AP1S3: variants seen among roughly 807,000 people sequenced by gnomAD.
AP1S3 encodes adaptor related protein complex 1 subunit sigma 3.
AP1S3 carries 10 observed loss-of-function variants against 20.9 expected under a neutral mutation model. That is an observed-to-expected ratio of 0.48 (90% CI 0.29 to 0.81). The LOEUF is 0.81. Among genes scored for constraint, AP1S3 ranks in the 30% least tolerant of loss-of-function variants. The pLI is 0.08. For missense variants in AP1S3, 154 were observed against 183.8 expected (o/e 0.84, Z 0.94); for synonymous variants, 41 against 61.5 (o/e 0.67, Z 1.56).
chr2:223,765,103 G>A, intron 4 of AP1S3, 110 bp downstream of exon 4: 1 of 1,435,350 alleles, frequency 7.0e-7, no homozygotes, highest in South Asian at 1.5e-5. Context: ...TTTAGAAACT[G>A]TACCCAGCAC....
intron 1 of AP1S3, among the ~76,000 whole-genome samples, chr2:223,780,154 T>G (rs1364091021): frequency 6.6e-6 from 1 of 150,622 alleles, no homozygotes; most frequent in Non-Finnish European, 1.5e-5. Flanking sequence ...GCCTACAGAA[T>G]TTGAGGTCTT....
rs953990528 is a variant in AP1S3, at chr2:223,756,657, T to C, written c.*2058A>G. ...TAGTAAAAGCCTAATGATTATTTTA[T>C]ATGCTAATCTGAGTTATTTCCTTTG... On this transcript the variant is annotated 3_prime_UTR_variant, in exon 5 of 5. Transcript: ENST00000396654. The C allele has an allele frequency of 9.1e-6, 9 of 985,236 alleles. No homozygotes were observed. Among genetic ancestry groups the C allele is most frequent in the Non-Finnish European group, 1.1e-5 (9 of 829,854 alleles). The allele number at this position is 985,236 out of a possible 1,614,324, so 61.0% of individuals were successfully genotyped here. A position where few individuals can be genotyped will look rare whatever the true frequency, so the allele number is the denominator to read the frequency against.
chr2:223,807,942 T>C (rs1442461263), intron 1 of AP1S3, among the ~76,000 whole-genome samples: 1 of 140,862 alleles, frequency 7.1e-6, no homozygotes. Flanking sequence ...GGTGTGATCA[T>C]GCAGTGGTGC....
intron 1 of AP1S3, among the ~76,000 whole-genome samples, chr2:223,780,131 C>T (rs2106092782): frequency 6.6e-6 from 1 of 151,616 alleles, no homozygotes; most frequent in Admixed American, 6.6e-5. Flanking sequence ...CTCACCACCA[C>T]CCCCTGGCCC....
chr2:223,785,061 A>T lies in AP1S3; in HGVS notation c.4-7192T>A, dbSNP rs538963241. Among the ~76,000 whole-genome samples, 138 of 152,200 alleles carry T rather than the reference A, an allele frequency of 9.1e-4. 1 individual carries two copies. Among genetic ancestry groups the T allele is most frequent in the Admixed American group, 2.2e-3 (33 of 15,276 alleles). ...TATGATACAATGTTGTTTAAAAAAG[A>T]TGGCCAGGTGCGCTTAGACCTGTAA... On this transcript the variant is annotated intron_variant, in intron 1 of 4. Coordinates refer to ENST00000396654, the MANE Select transcript of AP1S3 (RefSeq NM_001039569.2).
intron 1 of AP1S3, among the ~76,000 whole-genome samples, chr2:223,811,905 C>G (rs1196219768): frequency 6.6e-6 from 1 of 152,168 alleles, no homozygotes; most frequent in Non-Finnish European, 1.5e-5. Context: ...GTCAGAAGCC[C>G]AGATTTTGCC....
chr2:223,799,835 C>A (rs1192321375), intron 1 of AP1S3, among the ~76,000 whole-genome samples: 1 of 152,106 alleles, frequency 6.6e-6, no homozygotes. Context: ...CAATTCAAAT[C>A]CAATAATATA....
At chr2:223,790,091 T>A (rs990355676) in intron 1 of AP1S3, among the ~76,000 whole-genome samples, 12 of 152,124 alleles carry the variant, frequency 7.9e-5, no homozygotes, top group Admixed American at 7.9e-4. Context: ...AGGAAGACAG[T>A]TTACATGCAA....
At chr2:223,797,212 C>G (rs1030515970) in intron 1 of AP1S3, among the ~76,000 whole-genome samples, 11 of 152,150 alleles carry the variant, frequency 7.2e-5, no homozygotes, top group African/African-American at 2.7e-4. Context: ...ATGCCTTTCA[C>G]AGGCTTGGCA....
intron 1 of AP1S3, among the ~76,000 whole-genome samples, chr2:223,805,095 A>G (rs1379926222): frequency 6.6e-6 from 1 of 152,242 alleles, no homozygotes; most frequent in Non-Finnish European, 1.5e-5. Context: ...GAAGCCTTAA[A>G]AAACTCATCA....
intron 1 of AP1S3, among the ~76,000 whole-genome samples, chr2:223,835,557 A>T (rs1005723489): frequency 2.0e-5 from 3 of 152,212 alleles, no homozygotes; most frequent in Admixed American, 6.5e-5. Flanking sequence ...TAGGAGGCTG[A>T]GGCAGGAGAA....
At chr2:223,831,268 C>A (rs1174884911) in intron 1 of AP1S3, among the ~76,000 whole-genome samples, 1 of 152,160 alleles carries the variant, frequency 6.6e-6, no homozygotes, top group Admixed American at 6.5e-5. Flanking sequence ...ATAGCTGGGA[C>A]TACATGGGTG....
rs12694620 is a variant in AP1S3, at chr2:223,755,573, C to T, written c.*3142G>A. Among the ~76,000 whole-genome samples the T allele has an allele frequency of 0.42, 61,843 of 148,020 alleles. 14,159 individuals carry two copies. Among genetic ancestry groups the T allele is most frequent in the South Asian group, 0.61 (2,814 of 4,628 alleles). On this transcript the variant is annotated 3_prime_UTR_variant, in exon 5 of 5. Transcript: ENST00000396654. ...TGAGACAGGGTCTCACTCTGTCACC[C>T]GGGCTGGAGTACAGTGGCGTGATCT...
At chr2:223,778,660 A>C (rs1690849484) in intron 1 of AP1S3, among the ~76,000 whole-genome samples, 1 of 152,012 alleles carries the variant, frequency 6.6e-6, no homozygotes, top group Non-Finnish European at 1.5e-5. Flanking sequence ...GGCTGAAGCA[A>C]GGGGAACGAG....
At position 223,758,140 on chromosome 2, in the gene AP1S3, T is replaced by C. The variant is rs1187152368; in HGVS notation, c.*575A>G. The C allele has an allele frequency of 3.6e-5, 34 of 955,452 alleles. No homozygotes were observed. The highest frequency in any genetic ancestry group is 4.1e-5 in the Non-Finnish European group (33 of 810,908). The allele number at this position is 955,452 out of a possible 1,614,324, so 59.2% of individuals were successfully genotyped here. A position where few individuals can be genotyped will look rare whatever the true frequency, so the allele number is the denominator to read the frequency against. The stretch of plus-strand genomic sequence containing the variant: ...TCTTTGGTTATTTTCATAATCCCAA[T>C]TCTAAAAAAAATAAATGAATTCAGC... On this transcript the variant is annotated 3_prime_UTR_variant, in exon 5 of 5. Transcript: ENST00000396654.
In AP1S3 at chr2:223,775,325, T is replaced by G. The variant is rs183058084; in HGVS notation, c.291+576A>C. On this transcript the variant is annotated intron_variant, in intron 3 of 4. Transcript: ENST00000396654. ...TGTGAAGGAAAAGGATTTGGGTTTT[T>G]TGTTTGTTGCTATTTTTCTTATGCA... Among the ~76,000 whole-genome samples the G allele has an allele frequency of 5.9e-5, 9 of 152,314 alleles. No individual in the cohort carries two copies. The East Asian group carries it at 1.7e-3, about 29-fold the overall frequency.
chr2:223,819,510 T>C (rs745776122), intron 1 of AP1S3, among the ~76,000 whole-genome samples: 2 of 151,828 alleles, frequency 1.3e-5, no homozygotes, highest in Non-Finnish European at 2.9e-5. Context: ...ATAAAGTCCA[T>C]AAATAACTGG....
chr2:223,758,647 G>C lies in AP1S3; in HGVS notation c.*68C>G. The C allele has an allele frequency of 6.7e-7, 1 of 1,481,502 alleles. No homozygotes were observed. The highest frequency in any genetic ancestry group is 9.0e-7 in the Non-Finnish European group (1 of 1,114,058). The allele number at this position is 1,481,502 out of a possible 1,614,324, so 91.8% of individuals were successfully genotyped here. Reference sequence around the variant, plus strand: ...GTGCCTGAGGCTCCATCAAAAAACCGGATGGGAGGCGTTGCTTATTTACAG... The same window carrying C: ...GTGCCTGAGGCTCCATCAAAAAACCCGATGGGAGGCGTTGCTTATTTACAG... On this transcript the variant is annotated 3_prime_UTR_variant, in exon 5 of 5. Coordinates refer to ENST00000396654, the MANE Select transcript of AP1S3 (RefSeq NM_001039569.2).
intron 1 of AP1S3, among the ~76,000 whole-genome samples, chr2:223,804,155 A>G (rs1691528706): frequency 6.6e-6 from 1 of 152,164 alleles, no homozygotes. Flanking sequence ...ATTGATGGCT[A>G]GTTTCGTGCT....
Sources: gnomAD v4.1 joint callset for allele counts (sites outside exome capture counted in the v4.1 genomes callset) on GRCh38, gnomAD v4.1.1 for gene constraint, MANE v1.5 for transcripts, NCBI Gene and HGNC (gene_info 2026-07-23, HGNC 2026-07-21) for gene names.